Variants in CAMK2D observed in about 807,000 individuals in gnomAD.
CAMK2D encodes calcium/calmodulin-dependent protein kinase type II subunit delta.
In CAMK2D, 37 loss-of-function variants were observed where a neutral mutation model predicts 84.0. The observed-to-expected ratio is 0.44, with a 90% CI of 0.34 to 0.58. The LOEUF is 0.58. CAMK2D is among the 20% of genes least tolerant of loss of function. The probability of loss-of-function intolerance (pLI) is 0.02; values close to 1 mark genes in which losing one functional copy is unlikely to be tolerated. For synonymous variants in CAMK2D, 202 were observed against 212.5 expected, an observed-to-expected ratio of 0.95 and a Z score of 0.43; for missense variants, 448 against 652.5, an observed-to-expected ratio of 0.69 and a Z score of 3.41.
chr4:113,572,782 G>C (rs1318990077), intron 4 of CAMK2D, among the ~76,000 whole-genome samples: 1 of 152,032 alleles, frequency 6.6e-6, no homozygotes, highest in Admixed American at 6.6e-5. Context: ...GCAAATACAT[G>C]GAATCAACCT....
At chr4:113,639,971 T>A (rs924062814) in intron 3 of CAMK2D, among the ~76,000 whole-genome samples, 6 of 151,884 alleles carry the variant, frequency 4.0e-5, no homozygotes, top group African/African-American at 1.5e-4. Flanking sequence ...GCATGTGGGT[T>A]AGGGGGAGGG....
At chr4:113,723,281 G>A (rs1444053392) in intron 2 of CAMK2D, among the ~76,000 whole-genome samples, 1 of 149,834 alleles carries the variant, frequency 6.7e-6, no homozygotes, top group Non-Finnish European at 1.5e-5. Flanking sequence ...CTGGAATGCA[G>A]TGGCACGATC....
rs137997405 is a variant in CAMK2D, at chr4:113,668,394, T to C, written c.161-6622A>G. 1.8e-3 allele frequency among the ~76,000 whole-genome samples: 277 copies of C among 152,266 alleles called. 1 individual carries two copies. The highest frequency in any genetic ancestry group is 6.3e-3 in the African/African-American group (262 of 41,552). On this transcript the variant is annotated intron_variant, in intron 2 of 20. Transcript: ENST00000511664. ...GCTAGGTGTCCAAGTTACTTGACCT[T>C]TCCAAAGCTCCTTCCATAACATGGG...
chr4:113,606,343 G>A (rs764050690), intron 4 of CAMK2D, among the ~76,000 whole-genome samples: 71 of 151,946 alleles, frequency 4.7e-4, no homozygotes, highest in Non-Finnish European at 6.0e-4. Flanking sequence ...GGTGGCGCGC[G>A]CCTGTAATCC....
chr4:113,639,994 A>C (rs543312800), intron 3 of CAMK2D, among the ~76,000 whole-genome samples: 13 of 152,218 alleles, frequency 8.5e-5, no homozygotes, highest in Admixed American at 7.8e-4. Flanking sequence ...TAGATTTAAA[A>C]GCCACTGAGA....
intron 3 of CAMK2D, among the ~76,000 whole-genome samples, chr4:113,635,418 C>T (rs2099106289): frequency 6.6e-6 from 1 of 152,102 alleles, no homozygotes; most frequent in African/African-American, 2.4e-5. Flanking sequence ...TGTAATAGAT[C>T]CTTTATATAT....
chr4:113,592,634 AT>A (rs913791905), intron 4 of CAMK2D, among the ~76,000 whole-genome samples: 1 of 151,482 alleles, frequency 6.6e-6, no homozygotes, highest in Non-Finnish European at 1.5e-5. Flanking sequence ...AAAGTTTCAG[AT>A]TTTTTTTTCT....
intron 3 of CAMK2D, among the ~76,000 whole-genome samples, chr4:113,632,894 T>C (rs1414306441): frequency 1.3e-5 from 2 of 152,160 alleles, no homozygotes; most frequent in Admixed American, 6.6e-5. Flanking sequence ...AAAATAATGT[T>C]CAATGCATAT....
rs1262557998 is a variant in CAMK2D, at chr4:113,547,794, T to A, written c.342-78A>T. ...CTGTATACCCTCAGAGAGACTGGGT[T>A]AAAGTGCAGAGCTAGCAGACAACTG... On this transcript the variant is annotated intron_variant, in intron 5 of 20. Transcript: ENST00000511664. 6.8e-6 allele frequency: 6 copies of A among 879,748 alleles called. No individual in the cohort carries two copies. In the East Asian group the frequency reaches 1.4e-4, roughly 21 times the overall value. 54.5% of individuals were successfully genotyped at this position (879,748 alleles called of 1,614,324 possible).
At chr4:113,492,092 G>T (rs1437759985) in intron 16 of CAMK2D, among the ~76,000 whole-genome samples, 5 of 151,968 alleles carry the variant, frequency 3.3e-5, no homozygotes, top group Non-Finnish European at 5.9e-5. Context: ...CAAAAAACCA[G>T]CTCCTGGATT....
chr4:113,675,163 C>T (rs1350620337), intron 2 of CAMK2D, among the ~76,000 whole-genome samples: 2 of 152,116 alleles, frequency 1.3e-5, no homozygotes, highest in Non-Finnish European at 1.5e-5. Flanking sequence ...TTAATATTGG[C>T]TTTAAAAATC....
At chr4:113,504,134 T>C (rs1244398630) in intron 14 of CAMK2D, among the ~76,000 whole-genome samples, 1 of 152,176 alleles carries the variant, frequency 6.6e-6, no homozygotes, top group Non-Finnish European at 1.5e-5. Context: ...TTTAAATTTA[T>C]TTAAAATAAC....
intron 2 of CAMK2D, among the ~76,000 whole-genome samples, chr4:113,745,164 T>C (rs557772064): frequency 2.0e-5 from 3 of 152,204 alleles, no homozygotes; most frequent in Non-Finnish European, 4.4e-5. Flanking sequence ...AAGAGCAAAT[T>C]TGCAATTTGG....
chr4:113,673,015 C>A (rs1162986983), intron 2 of CAMK2D, among the ~76,000 whole-genome samples: 1 of 152,120 alleles, frequency 6.6e-6, no homozygotes, highest in Non-Finnish European at 1.5e-5. Flanking sequence ...GCCAAGGGTT[C>A]ATTTGAAGCC....
At chr4:113,502,190 T>C (rs2098056990) in intron 15 of CAMK2D, among the ~76,000 whole-genome samples, 1 of 151,998 alleles carries the variant, frequency 6.6e-6, no homozygotes, top group Non-Finnish European at 1.5e-5. Context: ...TCAGAAAAGG[T>C]CTTTCATCCT....
chr4:113,669,356 G>C (rs184403600), intron 2 of CAMK2D, among the ~76,000 whole-genome samples: 4 of 152,268 alleles, frequency 2.6e-5, no homozygotes, highest in Admixed American at 2.6e-4. Context: ...AGTTTCAAGA[G>C]AGCCTCTTAC....
intron 3 of CAMK2D, among the ~76,000 whole-genome samples, chr4:113,643,638 A>T (rs1324882366): frequency 2.0e-5 from 3 of 152,242 alleles, no homozygotes; most frequent in Non-Finnish European, 4.4e-5. Flanking sequence ...AAAGTAAGTG[A>T]ATGAGAGTAG....
intron 4 of CAMK2D, among the ~76,000 whole-genome samples, chr4:113,591,469 C>T (rs181231140): frequency 4.6e-4 from 70 of 152,312 alleles, no homozygotes; most frequent in African/African-American, 1.5e-3. Context: ...GCTCCCACTG[C>T]ATTGCTCAGT....
chr4:113,513,375 G>GA lies in CAMK2D; in HGVS notation c.904-6dup, dbSNP rs755187680. 2.7e-5 allele frequency: 44 copies of GA among 1,605,904 alleles called. No homozygotes were observed. In the Admixed American group the frequency reaches 6.5e-4, roughly 24 times the overall value. On this transcript the variant is annotated splice_polypyrimidine_tract_variant and splice_region_variant and intron_variant, in intron 11 of 20. Coordinates refer to ENST00000511664, the MANE Select transcript of CAMK2D (RefSeq NM_001321571.2). ...CATAGTTGTCAAGATGGCACCCTGT[G>GA]AAAAAAATTAGAACACAAAAGTCAG...
Sources: gnomAD v4.1 joint callset for allele counts (sites outside exome capture counted in the v4.1 genomes callset) on GRCh38, gnomAD v4.1.1 for gene constraint, MANE v1.5 for transcripts, NCBI Gene and HGNC (gene_info 2026-07-23, HGNC 2026-07-21) for gene names.